Variants in PRKCH observed in about 807,000 individuals in gnomAD.
PRKCH encodes protein kinase C eta.
A neutral mutation model predicts 82.5 loss-of-function variants in PRKCH; 28 were observed. That is an observed-to-expected ratio of 0.34 (90% confidence interval 0.25 to 0.47). The LOEUF (loss-of-function observed/expected upper bound fraction) is 0.47, where lower values mean the gene tolerates loss of function less well. Among genes scored for constraint, PRKCH ranks in the 20% least tolerant of loss-of-function variants. PRKCH has a pLI of 1.00. For missense variants in PRKCH, 705 were observed against 881.8 expected (o/e 0.80, Z 2.54); for synonymous variants, 322 against 327.4 (o/e 0.98, Z 0.18).
At chr14:61,494,570 T>C (rs1349914627) in intron 10 of PRKCH, among the ~76,000 whole-genome samples, 1 of 152,190 alleles carries the variant, frequency 6.6e-6, no homozygotes, top group African/African-American at 2.4e-5. Context: ...GGAGGTGCCA[T>C]TGACACAGCT....
intron 2 of PRKCH, among the ~76,000 whole-genome samples, chr14:61,438,893 T>A (rs1259531796): frequency 6.6e-6 from 1 of 152,240 alleles, no homozygotes; most frequent in East Asian, 1.9e-4. Flanking sequence ...ACATAATTAC[T>A]CTGCACCCTG....
upstream of PRKCH, among the ~76,000 whole-genome samples, chr14:61,319,779 G>A (rs955472285): frequency 6.6e-5 from 10 of 152,158 alleles, no homozygotes; most frequent in Admixed American, 4.6e-4. Flanking sequence ...TGGACGTTTG[G>A]GAGCAGGCTT....
intron 1 of PRKCH, among the ~76,000 whole-genome samples, chr14:61,232,304 C>T (rs2044751111): frequency 6.6e-6 from 1 of 152,266 alleles, no homozygotes; most frequent in Non-Finnish European, 1.5e-5. Context: ...CGGCTCACTG[C>T]AACCTACGCC....
At position 61,194,730 on chromosome 14, in the gene PRKCH, T is replaced by TTTTA. The variant is rs913013369; in HGVS notation, c.-19+7079_-19+7082dup. On this transcript the variant is annotated intron_variant, in intron 1 of 3. Coordinates refer to the PRKCH transcript ENST00000555185. The stretch of plus-strand genomic sequence containing the variant: ...TTCTCACAAAACATCGTCATTATCA[T>TTTTA]TTTATTTATTTATTTATTTAGAGAT... Among the ~76,000 whole-genome samples the TTTTA allele has an allele frequency of 3.5e-4, 54 of 152,282 alleles. 2 individuals carry two copies. Among genetic ancestry groups the TTTTA allele is most frequent in the Middle Eastern group, 6.8e-3 (2 of 294 alleles).
At chr14:61,530,622 C>T in intron 12 of PRKCH, 27 bp downstream of exon 12, 1 of 1,562,392 alleles carries the variant, frequency 6.4e-7, no homozygotes, top group Non-Finnish European at 8.7e-7. Context: ...CAGCTAGCTT[C>T]TGATGTATTG....
chr14:61,500,810 C>A (rs75676126), intron 10 of PRKCH, among the ~76,000 whole-genome samples: 4,072 of 151,958 alleles, frequency 0.027, 96 homozygotes, highest in Non-Finnish European at 0.045. Context: ...GGGCTGAGCA[C>A]GGGGGTGGGA....
At chr14:61,473,971 G>A (rs536452380) in intron 9 of PRKCH, among the ~76,000 whole-genome samples, 2 of 151,228 alleles carry the variant, frequency 1.3e-5, no homozygotes, top group African/African-American at 2.4e-5. Flanking sequence ...TCCAGCCTGG[G>A]CAACAGAGCG....
chr14:61,210,467 A>G (rs1302473241), intron 1 of PRKCH, among the ~76,000 whole-genome samples: 1 of 152,004 alleles, frequency 6.6e-6, no homozygotes, highest in South Asian at 2.1e-4. Flanking sequence ...TGATGATACA[A>G]ATTACCTGGG....
chr14:61,344,045 C>T (rs891425968), intron 1 of PRKCH, among the ~76,000 whole-genome samples: 2 of 152,124 alleles, frequency 1.3e-5, no homozygotes, highest in Non-Finnish European at 2.9e-5. Context: ...ATCAGTATAT[C>T]ATCAGAACAC....
intron 1 of PRKCH, among the ~76,000 whole-genome samples, chr14:61,367,953 A>G (rs1339142643): frequency 1.3e-5 from 2 of 151,796 alleles, no homozygotes; most frequent in African/African-American, 2.4e-5. Flanking sequence ...TGACCTCGTG[A>G]TCCGCCTGCC....
At chr14:61,338,179 C>A (rs1486989487) in intron 1 of PRKCH, among the ~76,000 whole-genome samples, 1 of 152,138 alleles carries the variant, frequency 6.6e-6, no homozygotes, top group Non-Finnish European at 1.5e-5. Context: ...CATTAGGGAC[C>A]CCCAGCCTCC....
chr14:61,373,152 T>C (rs916863826), intron 1 of PRKCH, among the ~76,000 whole-genome samples: 1 of 151,962 alleles, frequency 6.6e-6, no homozygotes, highest in African/African-American at 2.4e-5. Flanking sequence ...AAGAACTGGC[T>C]GTATTAGTCT....
intron 2 of PRKCH, among the ~76,000 whole-genome samples, chr14:61,419,591 G>A (rs1406471367): frequency 6.6e-6 from 1 of 152,192 alleles, no homozygotes; most frequent in African/African-American, 2.4e-5. Flanking sequence ...CTAGAAAACA[G>A]ACTTTTAATT....
chr14:61,485,375 G>A, intron 9 of PRKCH, 127 bp from the exon 10 acceptor site: 1 of 1,257,972 alleles, frequency 7.9e-7, no homozygotes, highest in Non-Finnish European at 1.1e-6. Context: ...CCATGGTCAG[G>A]ATGTTTCCTG....
At chr14:61,444,706 A>G (rs1329025223) in intron 3 of PRKCH, among the ~76,000 whole-genome samples, 3 of 152,138 alleles carry the variant, frequency 2.0e-5, no homozygotes, top group African/African-American at 7.2e-5. Flanking sequence ...CAGTCTCATC[A>G]CCAACTGGGT....
At chr14:61,253,713 G>C (rs2044969216) in intron 1 of PRKCH, among the ~76,000 whole-genome samples, 1 of 152,126 alleles carries the variant, frequency 6.6e-6, no homozygotes, top group South Asian at 2.1e-4. Flanking sequence ...TTTCTAATCT[G>C]ACTCTGCCTA....
chr14:61,450,832 T>G lies in PRKCH; in HGVS notation c.703-10T>G, dbSNP rs371907852. ...TTTTAGCTCTTGTCCCTTTATTTCC[T>G]TTTTTACAGATTGCAGAACAGAGGT... On this transcript the variant is annotated splice_polypyrimidine_tract_variant and intron_variant, in intron 5 of 13. Coordinates refer to ENST00000332981, the MANE Select transcript of PRKCH (RefSeq NM_006255.5). 6.8e-6 allele frequency: 11 copies of G among 1,611,518 alleles called. No homozygotes were observed. The East Asian group carries it at 2.0e-4, about 29-fold the overall frequency.
intron 10 of PRKCH, among the ~76,000 whole-genome samples, chr14:61,486,355 G>T (rs797013494): frequency 5.3e-5 from 8 of 152,326 alleles, no homozygotes; most frequent in African/African-American, 1.9e-4. Context: ...CTTGTGAGCA[G>T]TGTCCTGCAT....
intron 1 of PRKCH, among the ~76,000 whole-genome samples, chr14:61,221,572 C>G (rs984046663): frequency 6.6e-6 from 1 of 152,022 alleles, no homozygotes; most frequent in African/African-American, 2.4e-5. Context: ...GATGCCTGCC[C>G]GAGAACCGCT....
Sources: gnomAD v4.1 joint callset for allele counts (sites outside exome capture counted in the v4.1 genomes callset) on GRCh38, gnomAD v4.1.1 for gene constraint, MANE v1.5 for transcripts, NCBI Gene and HGNC (gene_info 2026-07-23, HGNC 2026-07-21) for gene names.